The following PRPF38A variants were observed in gnomAD, a reference collection of about 807,000 sequenced individuals.
PRPF38A encodes the protein pre-mRNA processing factor 38A.
PRPF38A carries 11 observed loss-of-function variants against 46.8 expected under a neutral mutation model. The observed-to-expected ratio is 0.24, with a 90% confidence interval of 0.15 to 0.39. PRPF38A has a LOEUF of 0.39. Ranked by LOEUF, PRPF38A falls within the 10% of genes least tolerant of loss-of-function variation. PRPF38A has a pLI of 1.00. For missense variants in PRPF38A, 261 were observed against 407.5 expected (o/e 0.64, Z 3.10); for synonymous variants, 124 against 136.2 (o/e 0.91, Z 0.62).
At position 52,416,498 on chromosome 1, in the gene PRPF38A, A is replaced by G. The variant is rs534480337; in HGVS notation, c.897-150A>G. 10 of 558,992 alleles carry G rather than the reference A, an allele frequency of 1.8e-5. No homozygotes were observed. The East Asian group carries it at 2.8e-4, about 16-fold the overall frequency. 34.6% of individuals were successfully genotyped at this position (558,992 alleles called of 1,614,324 possible). On this transcript the variant is annotated intron_variant, in intron 9 of 9. Coordinates refer to ENST00000257181, the MANE Select transcript of PRPF38A (RefSeq NM_032864.4). ...TAATTTTTGTACTTTTAGTAGAGAC[A>G]GGGTTTCACCATGTTGGCCAGGCTG...
rs912390866 is a variant in PRPF38A at position 52,418,338 on chromosome 1, T to C, written c.*1648T>C. ...TAAATGTATTACAGTGTCATAGCAGTTATTTCTTTATGAAAGTGATCTAGG... is the reference window on the plus strand; with the variant it reads ...TAAATGTATTACAGTGTCATAGCAGCTATTTCTTTATGAAAGTGATCTAGG... On this transcript the variant is annotated 3_prime_UTR_variant, in exon 10 of 10. Transcript: ENST00000257181. 1 of 152,236 alleles carries C rather than the reference T, an allele frequency of 6.6e-6. No individual in the cohort carries two copies. The highest frequency in any genetic ancestry group is 1.5e-5 in the Non-Finnish European group (1 of 68,038). 9.4% of individuals were successfully genotyped at this position (152,236 alleles called of 1,614,324 possible).
At chr1:52,414,690 AG>A (rs778534515) in intron 7 of PRPF38A, 43 bp downstream of exon 7, 18 of 1,612,688 alleles carry the variant, frequency 1.1e-5, no homozygotes, top group South Asian at 4.4e-5. Flanking sequence ...GGCTTTGGGG[AG>A]GGGGTGGTGG....
chr1:52,416,695 C>T lies in PRPF38A; in HGVS notation c.*5C>T. 1.2e-6 allele frequency: 2 copies of T among 1,610,746 alleles called. No homozygotes were observed. Among genetic ancestry groups the T allele is most frequent in the South Asian group, 1.1e-5 (1 of 91,006 alleles). On this transcript the variant is annotated 3_prime_UTR_variant, in exon 10 of 10. Coordinates refer to ENST00000257181, the MANE Select transcript of PRPF38A (RefSeq NM_032864.4). ...AGCCGGAGAGGGAATGAGTAATGGA[C>T]TCAGTTTGGTTTTAGTCCACATGGC... is the stretch of plus-strand genomic sequence containing the variant.
At chr1:52,413,208 G>T (rs1488027216) in intron 5 of PRPF38A, among the ~76,000 whole-genome samples, 3 of 152,010 alleles carry the variant, frequency 2.0e-5, no homozygotes, top group Non-Finnish European at 4.4e-5. Context: ...GCAGAGTATT[G>T]GCACATTATA....
In PRPF38A at chr1:52,416,874, A is replaced by G; in HGVS notation, c.*184A>G. 1 of 606,156 alleles carries G rather than the reference A, an allele frequency of 1.6e-6. No individual in the cohort carries two copies. The highest frequency in any genetic ancestry group is 2.0e-5 in the South Asian group (1 of 49,902). The allele number at this position is 606,156 out of a possible 1,614,324, so 37.5% of individuals were successfully genotyped here. ...TTGTATCTTTTTAATCATAATCAACATCAGTTTTTGACCCAACTAACCTTG... is the reference window on the plus strand; with the variant it reads ...TTGTATCTTTTTAATCATAATCAACGTCAGTTTTTGACCCAACTAACCTTG... On this transcript the variant is annotated 3_prime_UTR_variant, in exon 10 of 10. Transcript: ENST00000257181.
rs1648308253 is a variant in PRPF38A, at chr1:52,416,856, T to A, written c.*166T>A. On this transcript the variant is annotated 3_prime_UTR_variant, in exon 10 of 10. Coordinates refer to ENST00000257181, the MANE Select transcript of PRPF38A (RefSeq NM_032864.4). ...TGAAGGAGGTGCTGAGTTTTGTATCTTTTTAATCATAATCAACATCAGTTT... is the reference window on the plus strand; with the variant it reads ...TGAAGGAGGTGCTGAGTTTTGTATCATTTTAATCATAATCAACATCAGTTT... 1 of 629,470 alleles carries A rather than the reference T, an allele frequency of 1.6e-6. No individual in the cohort carries two copies. The highest frequency in any genetic ancestry group is 2.9e-6 in the Non-Finnish European group (1 of 347,378). The allele number at this position is 629,470 out of a possible 1,614,324, so 39.0% of individuals were successfully genotyped here. A position where few individuals can be genotyped will look rare whatever the true frequency, so the allele number is the denominator to read the frequency against.
intron 3 of PRPF38A, among the ~76,000 whole-genome samples, chr1:52,410,514 T>C (rs1459883247): frequency 6.6e-6 from 1 of 150,954 alleles, no homozygotes; most frequent in East Asian, 1.9e-4. Flanking sequence ...TAATTTTTTT[T>C]TTTTTGAGAT....
chr1:52,412,631 C>T lies in PRPF38A; in HGVS notation c.609+7C>T. 1 of 1,548,982 alleles carries T rather than the reference C, an allele frequency of 6.5e-7. No homozygotes were observed. Among genetic ancestry groups the T allele is most frequent in the Non-Finnish European group, 8.9e-7 (1 of 1,122,566 alleles). ...AGAAGAGGAGGATGAGAAGGTCTGGCACCTGAGACTTTTATGGTTGTAGGG... is the reference window on the plus strand; with the variant it reads ...AGAAGAGGAGGATGAGAAGGTCTGGTACCTGAGACTTTTATGGTTGTAGGG... On this transcript the variant is annotated splice_region_variant and intron_variant, in intron 5 of 9. Transcript: ENST00000257181.
chr1:52,405,838 A>C lies in PRPF38A; in HGVS notation c.289A>C (p.Lys97Gln). The stretch of plus-strand genomic sequence containing the variant: ...AGAGTTTATCAAAAATGAAGATTTC[A>C]AGTGAGTGCAATGTTCACTAGCTAA... ...IVEFIKNEDF[K>Q]YVRMLGALYM... The change falls in exon 2 of 10, where the codon AAG (lysine) becomes CAG (glutamine). Residue 97 changes from lysine (K) to glutamine (Q), a missense_variant and splice_region_variant. Lys to Gln is a moderately conservative substitution (Grantham distance 53, BLOSUM62 1). This residue lies in a region of PRPF38A where 81 missense variants were observed against 186.5 expected (regional missense o/e 0.43). Coordinates refer to ENST00000257181, the MANE Select transcript of PRPF38A (RefSeq NM_032864.4). 1 of 1,613,850 alleles carries C rather than the reference A, an allele frequency of 6.2e-7. No individual in the cohort carries two copies. The highest frequency in any genetic ancestry group is 8.5e-7 in the Non-Finnish European group (1 of 1,179,744).
chr1:52,407,138 C>T (rs986337762), intron 2 of PRPF38A, among the ~76,000 whole-genome samples: 7 of 152,214 alleles, frequency 4.6e-5, no homozygotes, highest in African/African-American at 1.7e-4. Context: ...CTGCCTCAGC[C>T]TCCCAAGTAG....
intron 1 of PRPF38A, 26 bp from the exon 2 acceptor site, chr1:52,405,654 G>A: frequency 6.2e-7 from 1 of 1,611,182 alleles, no homozygotes; most frequent in South Asian, 1.1e-5. Context: ...GCCCTAATAT[G>A]TTACTGTATT....
At chr1:52,405,013 G>A in intron 1 of PRPF38A, 134 bp downstream of exon 1, 1 of 989,708 alleles carries the variant, frequency 1.0e-6, no homozygotes, top group Non-Finnish European at 1.5e-6. Context: ...GAAAAATTTT[G>A]AGTGCCTGCT....
In PRPF38A at chr1:52,420,387, TCTATATAGAAATAA is replaced by T. The variant is rs1245805675; in HGVS notation, c.*3699_*3712del. On this transcript the variant is annotated 3_prime_UTR_variant, in exon 10 of 10. Coordinates refer to ENST00000257181, the MANE Select transcript of PRPF38A (RefSeq NM_032864.4). ...ATAAAGTCAAATATTATGAACACTG[TCTATATAGAAATAA>T]CAAGTAGAGTGTGCTGGTTTCATCT... The T allele has an allele frequency of 1.3e-5, 2 of 152,304 alleles. No individual in the cohort carries two copies. Among genetic ancestry groups the T allele is most frequent in the East Asian group, 3.9e-4 (2 of 5,188 alleles). 9.4% of individuals were successfully genotyped at this position (152,304 alleles called of 1,614,324 possible).
intron 3 of PRPF38A, chr1:52,409,738 A>G (rs1648095780): frequency 2.0e-5 from 3 of 152,240 alleles, no homozygotes; most frequent in African/African-American, 7.2e-5. Context: ...CAAGATGGAC[A>G]TGGTCATGGC....
chr1:52,413,864 T>A lies in PRPF38A; in HGVS notation c.610-15T>A. 2 of 1,559,614 alleles carry A rather than the reference T, an allele frequency of 1.3e-6. No individual in the cohort carries two copies. The highest frequency in any genetic ancestry group is 1.8e-6 in the Non-Finnish European group (2 of 1,130,492). ...AAGCCTGTGCCTTTCAATGACCCAA[T>A]CATCTTGTTTCCAGTTGGAAAGAGT... On this transcript the variant is annotated splice_polypyrimidine_tract_variant and intron_variant, in intron 5 of 9. Coordinates refer to ENST00000257181, the MANE Select transcript of PRPF38A (RefSeq NM_032864.4).
In PRPF38A at chr1:52,418,569, T is replaced by C. The variant is rs1445826662; in HGVS notation, c.*1879T>C. Reference sequence around the variant, plus strand: ...ATACTTGTTTAGACATATGGTAATATGTGGACCAAAATTGAGGTACCACAG... The same window carrying C: ...ATACTTGTTTAGACATATGGTAATACGTGGACCAAAATTGAGGTACCACAG... On this transcript the variant is annotated 3_prime_UTR_variant, in exon 10 of 10. Coordinates refer to ENST00000257181, the MANE Select transcript of PRPF38A (RefSeq NM_032864.4). 1 of 152,246 alleles carries C rather than the reference T, an allele frequency of 6.6e-6. No homozygotes were observed. Among genetic ancestry groups the C allele is most frequent in the Non-Finnish European group, 1.5e-5 (1 of 68,042 alleles). The allele number at this position is 152,246 out of a possible 1,614,324, so 9.4% of individuals were successfully genotyped here.
chr1:52,404,927 T>C (rs779833235), intron 1 of PRPF38A, 48 bp downstream of exon 1: 1 of 1,600,906 alleles, frequency 6.2e-7, no homozygotes, highest in South Asian at 1.1e-5. Context: ...GTGGCCCATT[T>C]CTCCTGACCG....
intron 4 of PRPF38A, among the ~76,000 whole-genome samples, chr1:52,411,426 A>T (rs1569978490): frequency 6.6e-6 from 1 of 152,280 alleles, no homozygotes; most frequent in Non-Finnish European, 1.5e-5. Context: ...AAAACAAGGA[A>T]ACTTTGTTTT....
rs751126503 is a variant in PRPF38A, at chr1:52,414,615, T to G, written c.723-6T>G. 3.1e-6 allele frequency: 5 copies of G among 1,613,382 alleles called. No homozygotes were observed. The South Asian group carries it at 5.5e-5, about 18-fold the overall frequency. On this transcript the variant is annotated splice_polypyrimidine_tract_variant and splice_region_variant and intron_variant, in intron 6 of 9. Transcript: ENST00000257181. ...CTAGGCTTTCTTCTTCCTCTCCTCT[T>G]TATAGGCGGAGTCGATCTCCCAAAA...
Sources: gnomAD v4.1 joint callset for allele counts (sites outside exome capture counted in the v4.1 genomes callset) on GRCh38, gnomAD v4.1.1 for gene constraint, gnomAD v4.1.1 regional missense constraint, MANE v1.5 for transcripts, NCBI Gene and HGNC (gene_info 2026-07-23, HGNC 2026-07-21) for gene names.